The following PMPCA variants were observed in gnomAD, a reference collection of about 807,000 sequenced individuals.
PMPCA encodes the protein mitochondrial-processing peptidase subunit alpha.
PMPCA carries 47 observed loss-of-function variants against 59.3 expected under a neutral mutation model. That is an observed-to-expected ratio of 0.79 (90% CI 0.63 to 1.01). The LOEUF is 1.01. Among genes scored for constraint, PMPCA ranks in the 50% least tolerant of loss-of-function variants. The pLI is 0.00. For missense variants in PMPCA, 726 were observed against 704.5 expected, an observed-to-expected ratio of 1.03 and a Z score of -0.34; for synonymous variants, 338 against 290.3, an observed-to-expected ratio of 1.16 and a Z score of -1.67.
intron 8 of PMPCA, 115 bp downstream of exon 8, chr9:136,418,224 G>A (rs79283612): frequency 2.6e-6 from 2 of 774,028 alleles, no homozygotes; most frequent in Non-Finnish European, 4.6e-6. Context: ...GGGCGGCTCA[G>A]CCAGCTCTGC....
chr9:136,416,200 C>A, intron 5 of PMPCA, 91 bp from the exon 6 acceptor site: 2 of 916,038 alleles, frequency 2.2e-6, no homozygotes, highest in Non-Finnish European at 3.5e-6. Flanking sequence ...CAACAGGCGA[C>A]ACTCAGGCCA....
chr9:136,422,936 G>A, intron 12 of PMPCA, 159 bp from the exon 13 acceptor site: 2 of 1,440,244 alleles, frequency 1.4e-6, no homozygotes, highest in Non-Finnish European at 1.8e-6. Flanking sequence ...CTCACCCTTG[G>A]CTACACCCAG....
Position 136,423,321 on chromosome 9 carries a change from G to A in PMPCA, c.*57G>A, listed in dbSNP as rs567324012. ...CTGCAGCTGGAGCCCGTTCCCGTGC[G>A]TGTTAGTTTGGACACGAATTTAGTC... On this transcript the variant is annotated 3_prime_UTR_variant, in exon 13 of 13. Transcript: ENST00000371717. The A allele has an allele frequency of 2.1e-5, 32 of 1,537,060 alleles. No individual in the cohort carries two copies. The highest frequency in any genetic ancestry group is 2.6e-5 in the Non-Finnish European group (29 of 1,132,746).
chr9:136,416,972 G>A lies in PMPCA; in HGVS notation c.655G>A (p.Val219Ile). The A allele has an allele frequency of 6.2e-7, 1 of 1,611,818 alleles. No homozygotes were observed. Among genetic ancestry groups the A allele is most frequent in the East Asian group, 2.2e-5 (1 of 44,886 alleles). The stretch of plus-strand genomic sequence containing the variant: ...TTAGGCGGCTTACAGGGAGAACACA[G>A]TTGGCCTCCACCGTTTCTGCCCCAC... ...IHEAAYRENT[V>I]GLHRFCPTEN... is the part of the protein sequence containing the mutation. Residue 219 changes from valine (V) to isoleucine (I), a missense_variant, in exon 7 of 13, where the codon GTT (valine) becomes ATT (isoleucine). Transcript: ENST00000371717.
At chr9:136,416,200 C>T (rs1835268052) in intron 5 of PMPCA, 91 bp from the exon 6 acceptor site, 12 of 916,042 alleles carry the variant, frequency 1.3e-5, no homozygotes, top group Non-Finnish European at 2.1e-5. Context: ...CAACAGGCGA[C>T]ACTCAGGCCA....
chr9:136,414,549 C>T lies in PMPCA; in HGVS notation c.438-4C>T, dbSNP rs751383416. The T allele has an allele frequency of 8.7e-6, 14 of 1,601,522 alleles. No individual in the cohort carries two copies. The highest frequency in any genetic ancestry group is 1.1e-5 in the Non-Finnish European group (13 of 1,168,826). On this transcript the variant is annotated splice_polypyrimidine_tract_variant and splice_region_variant and intron_variant, in intron 4 of 12. Transcript: ENST00000371717. ...TGGCATTATGGGCTTGTGTTTTCTTCCAGAGACACCACCATGTATGCTGTG... is the reference window on the plus strand; with the variant it reads ...TGGCATTATGGGCTTGTGTTTTCTTTCAGAGACACCACCATGTATGCTGTG...
Position 136,423,688 on chromosome 9 carries a change from G to A in PMPCA, c.*424G>A, listed in dbSNP as rs555888715. 3 of 186,630 alleles carry A rather than the reference G, an allele frequency of 1.6e-5. No individual in the cohort carries two copies. The highest frequency in any genetic ancestry group is 1.3e-4 in the East Asian group (1 of 7,612). 11.6% of individuals were successfully genotyped at this position (186,630 alleles called of 1,614,324 possible). A position where few individuals can be genotyped will look rare whatever the true frequency, so the allele number is the denominator to read the frequency against. On this transcript the variant is annotated 3_prime_UTR_variant, in exon 13 of 13. Coordinates refer to ENST00000371717, the MANE Select transcript of PMPCA (RefSeq NM_015160.3). Reference sequence around the variant, plus strand: ...GACAAGCAGGAGAAGGTAAGGGCCCGGTCAGCTCCAAGGAGCGCGCTCCAC... The same window carrying A: ...GACAAGCAGGAGAAGGTAAGGGCCCAGTCAGCTCCAAGGAGCGCGCTCCAC...
intron 10 of PMPCA, 26 bp from the exon 11 acceptor site, chr9:136,419,018 T>C (rs375730180): frequency 1.2e-5 from 19 of 1,611,416 alleles, no homozygotes; most frequent in Non-Finnish European, 1.6e-5. Flanking sequence ...CAGGCCACAC[T>C]GTTATCGTCT....
At chr9:136,416,109 G>A (rs964491937) in intron 5 of PMPCA, 182 bp from the exon 6 acceptor site, 19 of 598,738 alleles carry the variant, frequency 3.2e-5, no homozygotes, top group African/African-American at 3.2e-4. Context: ...CCTAGCTCCT[G>A]CTCCCTGTAG....
At chr9:136,419,262 C>T (rs1185866090) in intron 11 of PMPCA, 156 bp downstream of exon 11, 2 of 755,026 alleles carry the variant, frequency 2.6e-6, no homozygotes, top group African/African-American at 3.4e-5. Flanking sequence ...GAGGCACAGC[C>T]TGGGGCTGAG....
chr9:136,423,024 T>C, intron 12 of PMPCA, 71 bp from the exon 13 acceptor site: 1 of 1,519,740 alleles, frequency 6.6e-7, no homozygotes, highest in Non-Finnish European at 8.8e-7. Flanking sequence ...CCCCTCCGTG[T>C]GTTTACTGAT....
intron 12 of PMPCA, 73 bp downstream of exon 12, chr9:136,422,049 C>T (rs937624276): frequency 1.4e-5 from 22 of 1,552,984 alleles, no homozygotes; most frequent in Middle Eastern, 3.3e-4. Context: ...CTCGCCCTCC[C>T]GCAGGCCGTG....
At position 136,423,084 on chromosome 9, in the gene PMPCA, C is replaced by G. The variant is rs764827907; in HGVS notation, c.1409-11C>G. The G allele has an allele frequency of 5.6e-6, 9 of 1,608,910 alleles. No individual in the cohort carries two copies. Among genetic ancestry groups the G allele is most frequent in the East Asian group, 2.2e-5 (1 of 44,736 alleles). On this transcript the variant is annotated splice_polypyrimidine_tract_variant and intron_variant, in intron 12 of 12. Coordinates refer to ENST00000371717, the MANE Select transcript of PMPCA (RefSeq NM_015160.3). ...CGCGCTCGTGTGACACGCGTTTGCC[C>G]TCTGCACTAGGCAACGTGAAGCCGG...
chr9:136,419,264 G>A (rs989365793), intron 11 of PMPCA, 158 bp downstream of exon 11: 2 of 740,126 alleles, frequency 2.7e-6, no homozygotes, highest in African/African-American at 1.7e-5. Flanking sequence ...GGCACAGCCT[G>A]GGGCTGAGCT....
chr9:136,418,143 G>C (rs1342458757), intron 8 of PMPCA, 34 bp downstream of exon 8: 7 of 1,462,640 alleles, frequency 4.8e-6, no homozygotes, highest in Non-Finnish European at 6.7e-6. Flanking sequence ...TGGCGTTCCT[G>C]ATGCAGTGTG....
At chr9:136,414,725 C>T in intron 5 of PMPCA, 78 bp downstream of exon 5, 2 of 869,300 alleles carry the variant, frequency 2.3e-6, no homozygotes, top group South Asian at 2.6e-5. Flanking sequence ...AGCCCTGTAG[C>T]CATGAGGGAG....
At chr9:136,422,971 C>T (rs1441584015) in intron 12 of PMPCA, 124 bp from the exon 13 acceptor site, 5 of 1,454,450 alleles carry the variant, frequency 3.4e-6, no homozygotes, top group Non-Finnish European at 4.5e-6. Context: ...CCCAGGTGCC[C>T]CCATCAGCAG....
chr9:136,422,923 G>C, intron 12 of PMPCA, 172 bp from the exon 13 acceptor site: 1 of 1,424,800 alleles, frequency 7.0e-7, no homozygotes, highest in Non-Finnish European at 9.2e-7. Context: ...TGTCACTTGT[G>C]GACTCACCCT....
chr9:136,412,662 A>T, intron 3 of PMPCA, 93 bp downstream of exon 3: 1 of 788,558 alleles, frequency 1.3e-6, no homozygotes, highest in Admixed American at 2.3e-5. Flanking sequence ...TAAATTATCA[A>T]GTTGCTAAGT....
Sources: allele counts gnomAD v4.1 joint callset, GRCh38; gene constraint gnomAD v4.1.1; transcripts MANE v1.5; gene names NCBI Gene and HGNC (gene_info 2026-07-23, HGNC 2026-07-21).